Variants in SORCS2 observed in about 807,000 individuals in gnomAD.
The protein encoded by SORCS2 is sortilin related VPS10 domain containing receptor 2.
A neutral mutation model predicts 141.6 loss-of-function variants in SORCS2; 100 were observed. The ratio of observed to expected loss-of-function variants is 0.71; its 90% CI spans 0.60 to 0.83. SORCS2 has a LOEUF of 0.83. SORCS2 is among the 40% of genes least tolerant of loss of function. SORCS2 has a pLI of 0.00. For missense variants in SORCS2, 1,646 were observed against 1,560.2 expected (o/e 1.05, Z -0.93); for synonymous variants, 789 against 676.9 (o/e 1.17, Z -2.57).
Position 7,729,640 on chromosome 4 carries a change from C to A in SORCS2, c.3036C>A (p.Pro1012=). 1 of 1,600,880 alleles carries A rather than the reference C, an allele frequency of 6.2e-7. No homozygotes were observed. Among genetic ancestry groups the A allele is most frequent in the African/African-American group, 1.3e-5 (1 of 74,704 alleles). ...LLVTVVKPGL[P]TLADLYVLLP... is the part of the protein sequence containing the mutation. ...TGACTGTGGTGAAGCCGGGGCTGCC[C>A]ACTTTGGCCGATCTGTACGTGCTCC... The change falls in exon 23 of 27, where the codon CCC becomes CCA. Residue 1012 remains proline (P), a synonymous_variant. Coordinates refer to ENST00000507866, the MANE Select transcript of SORCS2 (RefSeq NM_020777.3).
At chr4:7,638,285 AG>A in intron 3 of SORCS2, 42 bp from the exon 4 acceptor site, 1 of 1,486,724 alleles carries the variant, frequency 6.7e-7, no homozygotes, top group East Asian at 2.6e-5. Flanking sequence ...GTCGGGGGAG[AG>A]GGGCACCTGG....
chr4:7,459,898 G>A (rs12500783), intron 2 of SORCS2: 55,246 of 152,998 alleles, frequency 0.36, 10,518 homozygotes, highest in Non-Finnish European at 0.43. Flanking sequence ...CCAATTGGTA[G>A]GGAGGGAGAG....
At chr4:7,445,791 C>T (rs533289658) in intron 2 of SORCS2, among the ~76,000 whole-genome samples, 5 of 152,236 alleles carry the variant, frequency 3.3e-5, no homozygotes, top group African/African-American at 4.8e-5. Context: ...CTGGATACGT[C>T]GGGAAGTACA....
At chr4:7,433,738 A>G (rs1319231201) in intron 2 of SORCS2, 2 of 1,613,330 alleles carry the variant, frequency 1.2e-6, no homozygotes, top group South Asian at 1.1e-5. Flanking sequence ...GGACGGCACG[A>G]TGGCATAGGC....
intron 1 of SORCS2, among the ~76,000 whole-genome samples, chr4:7,386,665 A>G (rs1039678542): frequency 6.6e-6 from 1 of 151,642 alleles, no homozygotes; most frequent in Non-Finnish European, 1.5e-5. Flanking sequence ...ATACATGCAC[A>G]CACACATAGG....
intron 1 of SORCS2, among the ~76,000 whole-genome samples, chr4:7,284,307 T>G (rs1185719130): frequency 6.6e-6 from 1 of 152,076 alleles, no homozygotes; most frequent in Non-Finnish European, 1.5e-5. Context: ...GGTCAGACGG[T>G]CTGTGTTCGG....
intron 1 of SORCS2, among the ~76,000 whole-genome samples, chr4:7,357,841 G>A (rs556654774): frequency 4.0e-3 from 607 of 152,300 alleles, no homozygotes; most frequent in Non-Finnish European, 6.1e-3. Context: ...TGTGTTTGGC[G>A]TGGGTGGGGG....
rs537684085 is a variant in SORCS2, at chr4:7,459,686, G to A, written c.548+63331G>A. On this transcript the variant is annotated intron_variant, in intron 2 of 26. Transcript: ENST00000507866. ...GTCTCTCTGGTCTCAGAGTGCTCAG[G>A]AGGACTTCCCAGCATGGCCTCAAGT... Among the ~76,000 whole-genome samples, 34 of 152,292 alleles carry A rather than the reference G, an allele frequency of 2.2e-4. No individual in the cohort carries two copies. In the South Asian group the frequency reaches 4.4e-3, roughly 20 times the overall value.
intron 23 of SORCS2, among the ~76,000 whole-genome samples, chr4:7,729,973 C>T (rs900778806): frequency 7.2e-5 from 11 of 152,192 alleles, no homozygotes; most frequent in African/African-American, 2.4e-4. Flanking sequence ...TCGCTCATTT[C>T]TTCTCCCGTG....
intron 1 of SORCS2, among the ~76,000 whole-genome samples, chr4:7,290,942 G>T (rs1321805666): frequency 6.6e-6 from 1 of 152,146 alleles, no homozygotes; most frequent in Non-Finnish European, 1.5e-5. Context: ...GAATTACACG[G>T]TTCTTTATTT....
At chr4:7,359,940 A>T (rs992234027) in intron 1 of SORCS2, among the ~76,000 whole-genome samples, 7 of 152,186 alleles carry the variant, frequency 4.6e-5, no homozygotes, top group African/African-American at 1.7e-4. Flanking sequence ...TTCACGGGGA[A>T]AGGAACCCAA....
chr4:7,483,167 C>A (rs1320085657), intron 2 of SORCS2, among the ~76,000 whole-genome samples: 1 of 151,668 alleles, frequency 6.6e-6, no homozygotes, highest in Non-Finnish European at 1.5e-5. Context: ...AAACAAAATA[C>A]AAAAAATTAG....
At chr4:7,644,038 C>G (rs962218476) in intron 4 of SORCS2, among the ~76,000 whole-genome samples, 2 of 152,148 alleles carry the variant, frequency 1.3e-5, no homozygotes, top group African/African-American at 2.4e-5. Flanking sequence ...ACAATACTCC[C>G]CTCTGGATAT....
intron 2 of SORCS2, among the ~76,000 whole-genome samples, chr4:7,410,337 A>G (rs903306254): frequency 2.0e-5 from 3 of 152,220 alleles, no homozygotes; most frequent in African/African-American, 7.2e-5. Flanking sequence ...TCAGAGAGAA[A>G]CAGTCTTACA....
At position 7,737,127 on chromosome 4, in the gene SORCS2, A is replaced by T. The variant is rs1712244697; in HGVS notation, c.3370A>T (p.Thr1124Ser). ...GCACAACGAGAAGGAGCAGGAGATG[A>T]CCAGCCCTGTGAGTCACAGTGAGGA... ...QMHNEKEQEM[T>S]SPVSHSEDVQ... is the part of the protein sequence containing the mutation. Residue 1124 changes from threonine to serine, a missense_variant, in exon 26 of 27, where the codon ACC becomes TCC. Coordinates refer to ENST00000507866, the MANE Select transcript of SORCS2 (RefSeq NM_020777.3). 2 of 1,551,336 alleles carry T rather than the reference A, an allele frequency of 1.3e-6. No individual in the cohort carries two copies. The highest frequency in any genetic ancestry group is 2.0e-5 in the Admixed American group (1 of 50,978).
At chr4:7,519,271 T>C (rs1055840917) in intron 2 of SORCS2, among the ~76,000 whole-genome samples, 4 of 152,168 alleles carry the variant, frequency 2.6e-5, no homozygotes, top group East Asian at 1.9e-4. Context: ...ACTCCATCAG[T>C]TGGGACAAGA....
At chr4:7,296,966 C>T (rs1286556111) in intron 1 of SORCS2, among the ~76,000 whole-genome samples, 1 of 152,218 alleles carries the variant, frequency 6.6e-6, no homozygotes, top group Non-Finnish European at 1.5e-5. Context: ...CTCCTTCCCC[C>T]TCCCCAGACA....
intron 2 of SORCS2, chr4:7,434,145 CT>C: frequency 1.2e-6 from 2 of 1,613,880 alleles, no homozygotes; most frequent in Non-Finnish European, 1.7e-6. Context: ...TGCAGAGCTC[CT>C]GCGGGGGGAG....
At chr4:7,368,923 C>T (rs1722077202) in intron 1 of SORCS2, among the ~76,000 whole-genome samples, 1 of 152,080 alleles carries the variant, frequency 6.6e-6, no homozygotes, top group Admixed American at 6.5e-5. Context: ...CTGGAGTTTC[C>T]CTTGCACGTG....
Sources: gnomAD v4.1 joint callset for allele counts (sites outside exome capture counted in the v4.1 genomes callset) on GRCh38, gnomAD v4.1.1 for gene constraint, MANE v1.5 for transcripts, NCBI Gene and HGNC (gene_info 2026-07-23, HGNC 2026-07-21) for gene names.